Variants in TRPC4 observed in about 807,000 individuals in gnomAD.
TRPC4 encodes transient receptor potential cation channel subfamily C member 4, also known as short transient receptor potential channel 4.
A neutral mutation model predicts 99.4 loss-of-function variants in TRPC4; 49 were observed. The observed-to-expected ratio is 0.49, with a 90% CI of 0.39 to 0.63. The LOEUF is 0.63. Ranked by LOEUF, TRPC4 falls within the 20% of genes least tolerant of loss-of-function variation. The pLI is 0.00. For missense variants in TRPC4, 898 were observed against 1,152.9 expected (o/e 0.78, Z 3.20); for synonymous variants, 454 against 425.9 (o/e 1.07, Z -0.81).
At chr13:37,855,296 G>GATATAT (rs139637183) in intron 1 of TRPC4, among the ~76,000 whole-genome samples, 72 of 140,476 alleles carry the variant, frequency 5.1e-4, no homozygotes, top group African/African-American at 1.9e-3. Flanking sequence ...ATACAATGTA[G>GATATAT]ATATATATAT....
Position 37,825,458 on chromosome 13 carries a change from TTC to T in TRPC4, c.-27-42100_-27-42099del, listed in dbSNP as rs765027743. ...CACTGCTTTGAATGTGTTCCAGAGATTCTGTTATATTGTGTCTTTGTTCTCAT... is the reference window on the plus strand; with the variant it reads ...CACTGCTTTGAATGTGTTCCAGAGATTGTTATATTGTGTCTTTGTTCTCAT... On this transcript the variant is annotated intron_variant, in intron 1 of 10. Transcript: ENST00000379705. 1.4e-3 allele frequency among the ~76,000 whole-genome samples: 211 copies of T among 152,310 alleles called. 2 individuals are homozygous for T. The highest frequency in any genetic ancestry group is 3.4e-3 in the Middle Eastern group (1 of 294).
Position 37,637,377 on chromosome 13 carries a change from G to T in TRPC4, c.2460C>A (p.Gly820=). ...IASERHNISN[G]SALVVQEPPR... ...GCGGCTCCTGAACCACCAGGGCAGA[G>T]CCATTGCTTATGTTATGTCTTTCAG... Residue 820 remains glycine (G), a synonymous_variant, in exon 11 of 11, where the codon GGC becomes GGA. Coordinates refer to ENST00000379705, the MANE Select transcript of TRPC4 (RefSeq NM_016179.4). 6.2e-7 allele frequency: 1 copy of T among 1,613,640 alleles called. No homozygotes were observed. The highest frequency in any genetic ancestry group is 8.5e-7 in the Non-Finnish European group (1 of 1,179,882).
intron 3 of TRPC4, among the ~76,000 whole-genome samples, chr13:37,704,060 C>A (rs1340324860): frequency 6.6e-6 from 1 of 152,020 alleles, no homozygotes; most frequent in Non-Finnish European, 1.5e-5. Flanking sequence ...TTGATATACA[C>A]ACATGGTTGA....
intron 1 of TRPC4, among the ~76,000 whole-genome samples, chr13:37,861,997 C>A (rs1266059114): frequency 1.3e-5 from 2 of 151,244 alleles, no homozygotes. Flanking sequence ...AGTCCAGTCC[C>A]TTCTTCATTT....
At position 37,866,423 on chromosome 13, in the gene TRPC4, G is replaced by T. The variant is rs75021608; in HGVS notation, c.-28+3172C>A. Among the ~76,000 whole-genome samples, 1,372 of 151,678 alleles carry T rather than the reference G, an allele frequency of 9.0e-3. 41 individuals carry two copies. The East Asian group carries it at 0.1, about 11-fold the overall frequency. On this transcript the variant is annotated intron_variant, in intron 1 of 10. Coordinates refer to ENST00000379705, the MANE Select transcript of TRPC4 (RefSeq NM_016179.4). ...TTAAAATTAAACAACTTTCAGGAGG[G>T]TCACTTATATTTTTTAAACATTTAA...
chr13:37,716,689 C>A (rs1954679155), intron 3 of TRPC4, among the ~76,000 whole-genome samples: 1 of 151,990 alleles, frequency 6.6e-6, no homozygotes, highest in African/African-American at 2.4e-5. Flanking sequence ...ATATTTTTAA[C>A]ATAAAATTTC....
chr13:37,843,242 T>C (rs1958793803), intron 1 of TRPC4, among the ~76,000 whole-genome samples: 1 of 152,180 alleles, frequency 6.6e-6, no homozygotes, highest in African/African-American at 2.4e-5. Flanking sequence ...TATAAAATAA[T>C]GCAAGTAAAT....
chr13:37,648,240 G>T (rs566292694), intron 8 of TRPC4, among the ~76,000 whole-genome samples: 1 of 152,004 alleles, frequency 6.6e-6, no homozygotes, highest in African/African-American at 2.4e-5. Flanking sequence ...CGCACCCAGC[G>T]TTTCTTATAC....
chr13:37,660,521 C>T (rs973921099), intron 6 of TRPC4, among the ~76,000 whole-genome samples: 17 of 151,986 alleles, frequency 1.1e-4, no homozygotes, highest in Non-Finnish European at 2.4e-4. Context: ...AGGAATGAAA[C>T]AGGAGTGGTA....
chr13:37,633,782 C>T lies in TRPC4; in HGVS notation c.*3121G>A, dbSNP rs572875617. Among the ~76,000 whole-genome samples, 2 of 152,070 alleles carry T rather than the reference C, an allele frequency of 1.3e-5. No individual in the cohort carries two copies. The highest frequency in any genetic ancestry group is 4.2e-4 in the South Asian group (2 of 4,816). On this transcript the variant is annotated 3_prime_UTR_variant, in exon 11 of 11. Transcript: ENST00000379705. ...AAATATTCAATTCATGAAACAGATACATTTTGAGGATGTTTAGCACTTTGA... is the reference window on the plus strand; with the variant it reads ...AAATATTCAATTCATGAAACAGATATATTTTGAGGATGTTTAGCACTTTGA...
intron 3 of TRPC4, among the ~76,000 whole-genome samples, chr13:37,709,850 T>C (rs1048321570): frequency 3.3e-5 from 5 of 151,966 alleles, no homozygotes; most frequent in Admixed American, 3.3e-4. Context: ...TTTTTGAAAA[T>C]TTTTTTAGAA....
intron 3 of TRPC4, among the ~76,000 whole-genome samples, chr13:37,727,705 A>G (rs1955108321): frequency 6.6e-6 from 1 of 152,084 alleles, no homozygotes; most frequent in South Asian, 2.1e-4. Context: ...TACTAAAATC[A>G]GAAATGAAAA....
chr13:37,660,412 G>T (rs2138671524), intron 6 of TRPC4, among the ~76,000 whole-genome samples: 1 of 152,282 alleles, frequency 6.6e-6, no homozygotes, highest in South Asian at 2.1e-4. Context: ...TTAGTGGAAT[G>T]ATGGAAGCAG....
chr13:37,683,327 T>C (rs4284516), intron 4 of TRPC4, among the ~76,000 whole-genome samples: 51,514 of 151,976 alleles, frequency 0.34, 9,084 homozygotes, highest in African/African-American at 0.37. Flanking sequence ...GGGTAGCCCA[T>C]GGCAGTCTGG....
At chr13:37,670,776 C>T (rs759460350) in intron 5 of TRPC4, among the ~76,000 whole-genome samples, 14 of 152,140 alleles carry the variant, frequency 9.2e-5, no homozygotes, top group Non-Finnish European at 1.8e-4. Flanking sequence ...CTCACCTTCT[C>T]CCTGCCCACA....
chr13:37,815,100 G>C (rs1220003332), intron 1 of TRPC4, among the ~76,000 whole-genome samples: 1 of 151,670 alleles, frequency 6.6e-6, no homozygotes, highest in African/African-American at 2.4e-5. Context: ...TCAATAAACA[G>C]TGCTGAGATG....
At position 37,827,668 on chromosome 13, in the gene TRPC4, T is replaced by C. The variant is rs533462402; in HGVS notation, c.-28+41927A>G. Among the ~76,000 whole-genome samples, 5 of 152,310 alleles carry C rather than the reference T, an allele frequency of 3.3e-5. No homozygotes were observed. In the South Asian group the frequency reaches 8.3e-4, roughly 25 times the overall value. ...CTGCGTACTGGGAGAACCACTGCTCTCTTCAAAGCTGTCAGACAGGGACAT... is the reference window on the plus strand; with the variant it reads ...CTGCGTACTGGGAGAACCACTGCTCCCTTCAAAGCTGTCAGACAGGGACAT... On this transcript the variant is annotated intron_variant, in intron 1 of 10. Coordinates refer to ENST00000379705, the MANE Select transcript of TRPC4 (RefSeq NM_016179.4).
chr13:37,689,485 G>T (rs1451175759), intron 4 of TRPC4, among the ~76,000 whole-genome samples: 1 of 152,114 alleles, frequency 6.6e-6, no homozygotes, highest in Non-Finnish European at 1.5e-5. Flanking sequence ...CATTATTTCA[G>T]CAAGATGATC....
chr13:37,814,712 G>T (rs897981121), intron 1 of TRPC4, among the ~76,000 whole-genome samples: 4 of 151,666 alleles, frequency 2.6e-5, no homozygotes, highest in African/African-American at 9.7e-5. Flanking sequence ...ATGGCATTTT[G>T]TATTCATGTA....
Sources: allele counts gnomAD v4.1 joint callset (sites outside exome capture counted in the v4.1 genomes callset), GRCh38; gene constraint gnomAD v4.1.1; transcripts MANE v1.5; gene names NCBI Gene and HGNC (gene_info 2026-07-23, HGNC 2026-07-21).